OTOGL: variants seen among roughly 807,000 people sequenced by gnomAD.
OTOGL encodes otogelin-like protein.
OTOGL carries 285 observed loss-of-function variants against 318.5 expected under a neutral mutation model. That is an observed-to-expected ratio of 0.89 (90% CI 0.81 to 0.99). The LOEUF (loss-of-function observed/expected upper bound fraction) is 0.99. OTOGL is among the 50% of genes least tolerant of loss of function. OTOGL has a pLI of 0.00. For synonymous variants in OTOGL, 987 were observed against 936.5 expected, an observed-to-expected ratio of 1.05 and a Z score of -0.99; for missense variants, 2,899 against 2,845.6, an observed-to-expected ratio of 1.02 and a Z score of -0.43.
intron 56 of OTOGL, chr12:80,370,903 C>T (rs1890842074): frequency 3.6e-6 from 1 of 276,938 alleles, no homozygotes; most frequent in Non-Finnish European, 6.5e-6. Flanking sequence ...AGATACTGTG[C>T]AATCGTTGGG....
chr12:80,103,148 G>A (rs7295948), intron 1 of OTOGL: 742,692 of 1,181,480 alleles, frequency 0.63, 236,147 homozygotes, highest in African/African-American at 0.79. Flanking sequence ...GCTGACCTTC[G>A]TAGTGTCCTC....
intron 1 of OTOGL, among the ~76,000 whole-genome samples, chr12:80,127,025 C>G (rs958145917): frequency 6.6e-6 from 1 of 152,140 alleles, no homozygotes; most frequent in Admixed American, 6.5e-5. Context: ...TTAATTGGAG[C>G]ATTTAGCCTA....
intron 28 of OTOGL, among the ~76,000 whole-genome samples, chr12:80,304,721 T>C (rs1400757816): frequency 6.6e-6 from 1 of 152,120 alleles, no homozygotes; most frequent in Non-Finnish European, 1.5e-5. Flanking sequence ...ATTCTTCATC[T>C]GATATCCTTG....
chr12:80,173,323 T>C (rs887063658), intron 1 of OTOGL, among the ~76,000 whole-genome samples: 1 of 152,138 alleles, frequency 6.6e-6, no homozygotes, highest in African/African-American at 2.4e-5. Flanking sequence ...GGATGGATTA[T>C]TCATGAGTTT....
rs559527697 is a variant in OTOGL, at chr12:80,145,732, A to C, written c.-20+46127A>C. On this transcript the variant is annotated intron_variant, in intron 1 of 58. Coordinates refer to ENST00000547103, the MANE Select transcript of OTOGL (RefSeq NM_001378609.3). ...ATTTGTTTGTATCCTCTTTTATTTC[A>C]TTGAGCAGTGGTTTGTAGTTCTCCT... 2.6e-4 allele frequency among the ~76,000 whole-genome samples: 39 copies of C among 151,820 alleles called. No homozygotes were observed. The South Asian group carries it at 3.1e-3, about 12-fold the overall frequency.
At chr12:80,323,876 G>T (rs375729462) in intron 35 of OTOGL, 36 bp downstream of exon 35, 1 of 1,499,374 alleles carries the variant, frequency 6.7e-7, no homozygotes, top group East Asian at 2.3e-5. Flanking sequence ...TCAAAGTCCA[G>T]CCTTAGCAAA....
intron 22 of OTOGL, among the ~76,000 whole-genome samples, chr12:80,268,609 C>A (rs1341610495): frequency 6.6e-6 from 1 of 152,156 alleles, no homozygotes; most frequent in Non-Finnish European, 1.5e-5. Flanking sequence ...CTATTATTCA[C>A]ACAGTTTCCC....
In OTOGL at chr12:80,265,082, A is replaced by G; in HGVS notation, c.2096A>G (p.Tyr699Cys). Residue 699 changes from tyrosine to cysteine, a missense_variant, in exon 20 of 59, where the codon TAT becomes TGT. By Grantham distance (194) the Tyr-to-Cys change is radical. This residue lies in a region of OTOGL where 2,607 missense variants were observed against 2,524.9 expected (regional missense o/e 1.03). Transcript: ENST00000547103. ...CHIYISPGLY[Y>C]QLCRHDACKC... ...ATCTATATTAGCCCTGGGCTGTACT[A>G]TCAGCTATGCCGCCACGATGCATGC... is the stretch of plus-strand genomic sequence containing the variant. 1 of 1,613,892 alleles carries G rather than the reference A, an allele frequency of 6.2e-7. No homozygotes were observed.
At chr12:80,103,387 A>C in intron 1 of OTOGL, 1 of 898,826 alleles carries the variant, frequency 1.1e-6, no homozygotes, top group Non-Finnish European at 1.8e-6. Flanking sequence ...TGCAGGCTTC[A>C]CATTCCTTTT....
Position 80,265,057 on chromosome 12 carries a change from A to C in OTOGL, c.2071A>C (p.Ile691Leu). 2 of 1,613,898 alleles carry C rather than the reference A, an allele frequency of 1.2e-6. No homozygotes were observed. Among genetic ancestry groups the C allele is most frequent in the Non-Finnish European group, 1.7e-6 (2 of 1,179,854 alleles). Residue 691 changes from isoleucine (I) to leucine (L), a missense_variant, in exon 20 of 59, where the codon ATC (isoleucine) becomes CTC (leucine). Around this residue, in one of 3 missense-constraint regions of OTOGL, gnomAD observed 2,607 missense variants for 2,524.9 expected, o/e 1.03. Coordinates refer to ENST00000547103, the MANE Select transcript of OTOGL (RefSeq NM_001378609.3). ...IHQELFAPCHIYISPGLYYQL... is the reference protein window; with the variant it reads ...IHQELFAPCHLYISPGLYYQL... Reference sequence around the variant, plus strand: ...CCAGGAGCTCTTTGCTCCTTGCCACATCTATATTAGCCCTGGGCTGTACTA... The same window carrying C: ...CCAGGAGCTCTTTGCTCCTTGCCACCTCTATATTAGCCCTGGGCTGTACTA...
At chr12:80,160,501 A>G (rs912715039) in intron 1 of OTOGL, among the ~76,000 whole-genome samples, 1 of 152,064 alleles carries the variant, frequency 6.6e-6, no homozygotes, top group Admixed American at 6.6e-5. Context: ...TCACTAATTA[A>G]CATGGAAATG....
chr12:80,129,104 G>T (rs1871070018), intron 1 of OTOGL, among the ~76,000 whole-genome samples: 1 of 152,198 alleles, frequency 6.6e-6, no homozygotes, highest in Admixed American at 6.5e-5. Flanking sequence ...ACTTGGAAAT[G>T]CAGAAGTCAT....
intron 1 of OTOGL, among the ~76,000 whole-genome samples, chr12:80,114,566 T>A (rs899391798): frequency 6.6e-6 from 1 of 152,152 alleles, no homozygotes; most frequent in Admixed American, 6.6e-5. Context: ...CATTTCAACC[T>A]TGGTGAATCT....
Position 80,212,005 on chromosome 12 carries a change from A to G in OTOGL, c.168+8A>G. 6.4e-7 allele frequency: 1 copy of G among 1,569,744 alleles called. No homozygotes were observed. Among genetic ancestry groups the G allele is most frequent in the Non-Finnish European group, 8.6e-7 (1 of 1,162,786 alleles). On this transcript the variant is annotated splice_region_variant and intron_variant, in intron 4 of 58. Coordinates refer to ENST00000547103, the MANE Select transcript of OTOGL (RefSeq NM_001378609.3). Reference sequence around the variant, plus strand: ...GCTCTTTTAGCAGCACAGGTAGGTTATGCTTCAGGTGGAGAGAGAGGCAGA... The same window carrying G: ...GCTCTTTTAGCAGCACAGGTAGGTTGTGCTTCAGGTGGAGAGAGAGGCAGA...
intron 1 of OTOGL, among the ~76,000 whole-genome samples, chr12:80,172,297 T>TCTA (rs1874254684): frequency 2.6e-5 from 4 of 152,204 alleles, no homozygotes; most frequent in African/African-American, 9.6e-5. Flanking sequence ...GATACCTCCT[T>TCTA]TGAGCCCCTA....
chr12:80,251,982 G>A, intron 12 of OTOGL, 94 bp from the exon 13 acceptor site: 7 of 1,348,360 alleles, frequency 5.2e-6, no homozygotes, highest in Non-Finnish European at 6.8e-6. Flanking sequence ...GTTATTTTTT[G>A]CAAATTATTT....
rs138391588 is a variant in OTOGL, at chr12:80,187,148, G to A, written c.-19-22265G>A. Among the ~76,000 whole-genome samples the A allele has an allele frequency of 1.8e-3, 275 of 152,232 alleles. 1 individual carries two copies. The highest frequency in any genetic ancestry group is 6.4e-3 in the African/African-American group (267 of 41,532). On this transcript the variant is annotated intron_variant, in intron 1 of 58. Coordinates refer to ENST00000547103, the MANE Select transcript of OTOGL (RefSeq NM_001378609.3). ...TCCAAGAATCTTCAGGCCTCAACAC[G>A]GACTTTTATATAAGAGGTAAGGGAT...
At position 80,219,810 on chromosome 12, in the gene OTOGL, T is replaced by A; in HGVS notation, c.236-4T>A. On this transcript the variant is annotated splice_polypyrimidine_tract_variant and splice_region_variant and intron_variant, in intron 5 of 58. Transcript: ENST00000547103. Reference sequence around the variant, plus strand: ...GATAACTTTTTTTTTTTTTTCCCCCTCAGGTTCTTGTCCTTATGAATGCCT... The same window carrying A: ...GATAACTTTTTTTTTTTTTTCCCCCACAGGTTCTTGTCCTTATGAATGCCT... 6.5e-7 allele frequency: 1 copy of A among 1,527,612 alleles called. No homozygotes were observed. The highest frequency in any genetic ancestry group is 8.9e-7 in the Non-Finnish European group (1 of 1,122,846). 94.6% of individuals were successfully genotyped at this position (1,527,612 alleles called of 1,614,324 possible). A position where few individuals can be genotyped will look rare whatever the true frequency, so the allele number is the denominator to read the frequency against.
At chr12:80,120,575 G>A (rs370476203) in intron 1 of OTOGL, among the ~76,000 whole-genome samples, 1 of 151,968 alleles carries the variant, frequency 6.6e-6, no homozygotes, top group African/African-American at 2.4e-5. Context: ...CTCATTGGAG[G>A]ATCTCTCCAA....
Sources: allele counts gnomAD v4.1 joint callset (sites outside exome capture counted in the v4.1 genomes callset), GRCh38; gene constraint gnomAD v4.1.1; regional missense constraint gnomAD v4.1.1; transcripts MANE v1.5; gene names NCBI Gene and HGNC (gene_info 2026-07-23, HGNC 2026-07-21).